MNAT1: variants seen among roughly 807,000 people sequenced by gnomAD.
MNAT1 encodes CDK-activating kinase assembly factor MAT1.
MNAT1 carries 43 observed loss-of-function variants against 42.0 expected under a neutral mutation model. The ratio of observed to expected loss-of-function variants is 1.02; its 90% CI spans 0.80 to 1.32. The LOEUF (loss-of-function observed/expected upper bound fraction) is 1.32, where lower values mean the gene tolerates loss of function less well. MNAT1 is among the 40% of genes most tolerant of loss of function. MNAT1 has a pLI of 0.00. For synonymous variants in MNAT1, 118 were observed against 120.0 expected, an observed-to-expected ratio of 0.98 and a Z score of 0.11; for missense variants, 306 against 350.4, an observed-to-expected ratio of 0.87 and a Z score of 1.01.
At chr14:60,890,146 G>A (rs895150859) in intron 7 of MNAT1, among the ~76,000 whole-genome samples, 8 of 152,246 alleles carry the variant, frequency 5.3e-5, no homozygotes, top group African/African-American at 9.6e-5. Flanking sequence ...AAAGACACAT[G>A]CACACATATG....
chr14:60,796,919 G>C (rs2032036838), intron 2 of MNAT1, among the ~76,000 whole-genome samples: 1 of 151,922 alleles, frequency 6.6e-6, no homozygotes, highest in Non-Finnish European at 1.5e-5. Flanking sequence ...TTACGTGTTA[G>C]CTATAGTTTA....
At chr14:60,908,838 A>G (rs2035277381) in intron 7 of MNAT1, among the ~76,000 whole-genome samples, 2 of 152,348 alleles carry the variant, frequency 1.3e-5, no homozygotes, top group East Asian at 3.9e-4. Flanking sequence ...GTATATACCC[A>G]GTAATGGGAT....
chr14:60,794,521 C>T (rs987889629), intron 1 of MNAT1, among the ~76,000 whole-genome samples: 3 of 149,826 alleles, frequency 2.0e-5, no homozygotes, highest in African/African-American at 7.4e-5. Flanking sequence ...AAAAAATTAG[C>T]AGAGCGTGAC....
At chr14:60,825,274 A>G (rs150679152) in intron 6 of MNAT1, among the ~76,000 whole-genome samples, 4 of 152,212 alleles carry the variant, frequency 2.6e-5, no homozygotes, top group Non-Finnish European at 5.9e-5. Context: ...GTTCAAGGGA[A>G]AGGTAAAATT....
At chr14:60,864,944 C>T (rs1246631275) in intron 6 of MNAT1, among the ~76,000 whole-genome samples, 1 of 151,994 alleles carries the variant, frequency 6.6e-6, no homozygotes, top group African/African-American at 2.4e-5. Context: ...AATGGCAAAA[C>T]AACTACTCCT....
chr14:60,771,993 G>C (rs2031077502), intron 1 of MNAT1, among the ~76,000 whole-genome samples: 1 of 152,150 alleles, frequency 6.6e-6, no homozygotes, highest in Non-Finnish European at 1.5e-5. Context: ...GCAATTTTAT[G>C]CTTGCTTTCA....
chr14:60,739,969 C>T (rs969851104), intron 1 of MNAT1, among the ~76,000 whole-genome samples: 1 of 152,184 alleles, frequency 6.6e-6, no homozygotes, highest in African/African-American at 2.4e-5. Flanking sequence ...TCCTGGCCAA[C>T]ATAGTGAAAC....
At chr14:60,776,466 A>G (rs1057024623) in intron 1 of MNAT1, among the ~76,000 whole-genome samples, 1 of 152,152 alleles carries the variant, frequency 6.6e-6, no homozygotes, top group African/African-American at 2.4e-5. Flanking sequence ...GTCTAGGATA[A>G]TGCCTGGCTT....
intron 1 of MNAT1, among the ~76,000 whole-genome samples, chr14:60,767,985 C>T (rs574392226): frequency 1.1e-4 from 17 of 152,114 alleles, no homozygotes; most frequent in South Asian, 8.3e-4. Context: ...AGATTGGTCT[C>T]GATCTCCTGA....
In MNAT1 at chr14:60,789,738, G is replaced by A. The variant is rs572562384; in HGVS notation, c.90-6479G>A. ...CATGCACACCCTTTTTAGCTATCAG[G>A]ATGAAACTGTTCATCAGTGGCAGAA... is the stretch of plus-strand genomic sequence containing the variant. On this transcript the variant is annotated intron_variant, in intron 1 of 7. Coordinates refer to ENST00000261245, the MANE Select transcript of MNAT1 (RefSeq NM_002431.4). 8.5e-5 allele frequency among the ~76,000 whole-genome samples: 13 copies of A among 152,172 alleles called. No individual in the cohort carries two copies. In the East Asian group the frequency reaches 2.1e-3, roughly 25 times the overall value.
At chr14:60,870,586 G>A (rs766119045) in intron 6 of MNAT1, among the ~76,000 whole-genome samples, 2 of 151,980 alleles carry the variant, frequency 1.3e-5, no homozygotes, top group Non-Finnish European at 2.9e-5. Context: ...TTGTGACCTT[G>A]CCTGTCATTT....
chr14:60,875,929 G>T (rs571345118), intron 6 of MNAT1, among the ~76,000 whole-genome samples: 36 of 152,070 alleles, frequency 2.4e-4, no homozygotes, highest in African/African-American at 8.7e-4. Context: ...AAATGCACAC[G>T]GAGTGTTGGT....
In MNAT1 at chr14:60,940,001, T is replaced by C. The variant is rs2139586506; in HGVS notation, c.810-28228T>C. ...CCATTATGTAATGGCCTTCTTTGTC[T>C]CTCTTGATCTTTGTTGGTTTAAAGT... On this transcript the variant is annotated intron_variant, in intron 7 of 7. Coordinates refer to ENST00000261245, the MANE Select transcript of MNAT1 (RefSeq NM_002431.4). 2.0e-5 allele frequency among the ~76,000 whole-genome samples: 3 copies of C among 152,294 alleles called. No individual in the cohort carries two copies. The South Asian group carries it at 6.2e-4, about 32-fold the overall frequency.
At chr14:60,776,067 A>G (rs1460212424) in intron 1 of MNAT1, among the ~76,000 whole-genome samples, 1 of 152,246 alleles carries the variant, frequency 6.6e-6, no homozygotes, top group Non-Finnish European at 1.5e-5. Flanking sequence ...GGCTTCAACC[A>G]TAGATGGATC....
chr14:60,885,398 GTTTTC>G (rs1322948727), intron 7 of MNAT1, among the ~76,000 whole-genome samples: 2 of 151,252 alleles, frequency 1.3e-5, no homozygotes, highest in Non-Finnish European at 3.0e-5. Flanking sequence ...ATTTTGTTTT[GTTTTC>G]TTTGACTGTA....
chr14:60,860,363 T>TC (rs1360291663), intron 6 of MNAT1, among the ~76,000 whole-genome samples: 1 of 147,730 alleles, frequency 6.8e-6, no homozygotes, highest in Non-Finnish European at 1.5e-5. Flanking sequence ...TCTTTTTTTT[T>TC]TTTTTTTGAG....
chr14:60,872,105 G>C (rs2034337829), intron 6 of MNAT1, among the ~76,000 whole-genome samples: 1 of 152,084 alleles, frequency 6.6e-6, no homozygotes, highest in Non-Finnish European at 1.5e-5. Flanking sequence ...ATGTTTATTT[G>C]GCTCATGGTT....
chr14:60,835,412 A>G (rs188867854), intron 6 of MNAT1, among the ~76,000 whole-genome samples: 1 of 152,218 alleles, frequency 6.6e-6, no homozygotes, highest in East Asian at 1.9e-4. Flanking sequence ...TGCTTCCTTC[A>G]GGAGCTCTTG....
At position 60,969,797 on chromosome 14, in the gene MNAT1, AAAC is replaced by A. The variant is rs751531280; in HGVS notation, c.*1450_*1452del. ...ATAAGGAATCCAGTCTTTTGAAAAG[AAAC>A]ACTACTGCTTGTTCTCATACCTTTT... On this transcript the variant is annotated 3_prime_UTR_variant, in exon 8 of 8. Coordinates refer to ENST00000261245, the MANE Select transcript of MNAT1 (RefSeq NM_002431.4). 17 of 152,240 alleles carry A rather than the reference AAAC, an allele frequency of 1.1e-4. No homozygotes were observed. The highest frequency in any genetic ancestry group is 1.5e-4 in the Non-Finnish European group (10 of 68,038). The allele number at this position is 152,240 out of a possible 1,614,324, so 9.4% of individuals were successfully genotyped here. A position where few individuals can be genotyped will look rare whatever the true frequency, so the allele number is the denominator to read the frequency against.
Sources: gnomAD v4.1 joint callset for allele counts (sites outside exome capture counted in the v4.1 genomes callset) on GRCh38, gnomAD v4.1.1 for gene constraint, MANE v1.5 for transcripts, NCBI Gene and HGNC (gene_info 2026-07-23, HGNC 2026-07-21) for gene names.